Variants in ARHGEF10 observed in about 807,000 individuals in gnomAD.
The protein encoded by ARHGEF10 is Rho guanine nucleotide exchange factor (GEF) 10.
In ARHGEF10, 140 loss-of-function variants were observed where a neutral mutation model predicts 147.4. That is an observed-to-expected ratio of 0.95 (90% CI 0.83 to 1.09). ARHGEF10 has a LOEUF of 1.09. Among genes scored for constraint, ARHGEF10 ranks in the 50% least tolerant of loss-of-function variants. The pLI, the probability that ARHGEF10 is intolerant of heterozygous loss-of-function variation, is 0.00. For synonymous variants in ARHGEF10, 902 were observed against 695.8 expected, an observed-to-expected ratio of 1.30 and a Z score of -4.67; for missense variants, 2,222 against 1,752.7, an observed-to-expected ratio of 1.27 and a Z score of -4.78.
chr8:1,835,243 C>G (rs1211392176), intron 1 of ARHGEF10, among the ~76,000 whole-genome samples: 4 of 152,220 alleles, frequency 2.6e-5, no homozygotes, highest in African/African-American at 9.6e-5. Flanking sequence ...GAGTGCCGGA[C>G]AGGGCTGAGC....
At position 1,933,980 on chromosome 8, in the gene ARHGEF10, G is replaced by T. The variant is rs781714585; in HGVS notation, c.3222+38G>T. 8 of 1,613,888 alleles carry T rather than the reference G, an allele frequency of 5.0e-6. No individual in the cohort carries two copies. The South Asian group carries it at 7.7e-5, about 16-fold the overall frequency. On this transcript the variant is annotated intron_variant, in intron 26 of 28. Coordinates refer to ENST00000349830, the MANE Select transcript of ARHGEF10 (RefSeq NM_014629.4). ...GGTGGCTACACGGTGTGGAAAAAAT[G>T]CATTTCAGAAACAGCTCAGCTGACT... is the stretch of plus-strand genomic sequence containing the variant.
chr8:1,946,682 A>G (rs776081426), intron 27 of ARHGEF10, among the ~76,000 whole-genome samples: 3 of 152,220 alleles, frequency 2.0e-5, no homozygotes, highest in Non-Finnish European at 4.4e-5. Context: ...CTGGGGAGAC[A>G]CAAACATTCA....
intron 9 of ARHGEF10, 85 bp from the exon 10 acceptor site, chr8:1,882,550 G>T (rs1243771510): frequency 3.6e-6 from 4 of 1,102,504 alleles, no homozygotes; most frequent in Non-Finnish European, 5.4e-6. Context: ...CAGACTACTT[G>T]ACAGTATTCT....
rs111401053 is a variant in ARHGEF10, at chr8:1,880,712, C to T, written c.960+548C>T. On this transcript the variant is annotated intron_variant, in intron 9 of 28. Transcript: ENST00000349830. The stretch of plus-strand genomic sequence containing the variant: ...CTTGAGAACTGCCGGACCTGAGTGT[C>T]GTGACAGTCTGTTCTGAGCGATGTC... 4.1e-4 allele frequency among the ~76,000 whole-genome samples: 63 copies of T among 152,258 alleles called. No homozygotes were observed. In the East Asian group the frequency reaches 7.3e-3, roughly 18 times the overall value.
chr8:1,913,517 G>A (rs982779761), intron 18 of ARHGEF10, among the ~76,000 whole-genome samples: 1 of 152,238 alleles, frequency 6.6e-6, no homozygotes, highest in Admixed American at 6.5e-5. Flanking sequence ...AAGCATCTGT[G>A]TTCCTCGCTG....
chr8:1,891,846 A>T (rs1809554029), intron 11 of ARHGEF10, among the ~76,000 whole-genome samples: 1 of 151,984 alleles, frequency 6.6e-6, no homozygotes, highest in African/African-American at 2.4e-5. Flanking sequence ...GAAACCCAGA[A>T]TATTGGTTTT....
At chr8:1,944,500 G>A (rs1485275857) in intron 26 of ARHGEF10, among the ~76,000 whole-genome samples, 3 of 152,372 alleles carry the variant, frequency 2.0e-5, no homozygotes, top group East Asian at 1.9e-4. Flanking sequence ...GCAGGATGGG[G>A]TTTGGTGCCA....
At chr8:1,862,777 T>TC (rs1279477203) in intron 4 of ARHGEF10, among the ~76,000 whole-genome samples, 16 of 30,094 alleles carry the variant, frequency 5.3e-4, no homozygotes, top group Admixed American at 1.4e-3. Flanking sequence ...TTCTTCTTCT[T>TC]TTTTTTTTTT....
At chr8:1,913,016 C>T (rs1399784574) in intron 18 of ARHGEF10, among the ~76,000 whole-genome samples, 2 of 152,146 alleles carry the variant, frequency 1.3e-5, no homozygotes, top group Non-Finnish European at 2.9e-5. Context: ...GTAATGTTCA[C>T]TGTTGCCATT....
At chr8:1,939,422 G>C (rs536099345) in intron 26 of ARHGEF10, among the ~76,000 whole-genome samples, 5 of 152,234 alleles carry the variant, frequency 3.3e-5, no homozygotes, top group Non-Finnish European at 7.3e-5. Context: ...AGGATGGCTG[G>C]GCTGCCAGCG....
chr8:1,945,836 C>T (rs1563325445), intron 27 of ARHGEF10, 181 bp downstream of exon 27: 1 of 972,258 alleles, frequency 1.0e-6, no homozygotes, highest in Non-Finnish European at 1.6e-6. Flanking sequence ...CATGGTCAGC[C>T]CACTTTAGCG....
At chr8:1,864,615 C>CA (rs1806430519) in intron 5 of ARHGEF10, among the ~76,000 whole-genome samples, 179 bp downstream of exon 5, 1 of 152,214 alleles carries the variant, frequency 6.6e-6, no homozygotes. Context: ...AATGTAGGGT[C>CA]AGGACGAGTG....
At chr8:1,826,062 T>G (rs1438004399) in intron 1 of ARHGEF10, 6 of 1,576,368 alleles carry the variant, frequency 3.8e-6, no homozygotes, top group Non-Finnish European at 5.1e-6. Flanking sequence ...ATTTGCTGGC[T>G]TTAGCAGCCA....
chr8:1,883,385 C>T (rs1304442655), intron 10 of ARHGEF10, among the ~76,000 whole-genome samples: 2 of 152,078 alleles, frequency 1.3e-5, no homozygotes, highest in Non-Finnish European at 2.9e-5. Flanking sequence ...CACTGTCATA[C>T]AGGGGTCGCT....
intron 8 of ARHGEF10, among the ~76,000 whole-genome samples, chr8:1,878,833 G>A (rs2129116478): frequency 6.6e-6 from 1 of 152,262 alleles, no homozygotes; most frequent in South Asian, 2.1e-4. Flanking sequence ...GCTGGGCGAA[G>A]GAGCTGGGGA....
chr8:1,874,384 C>A lies in ARHGEF10; in HGVS notation c.680-2187C>A, dbSNP rs769330428. ...GAGAGAGCTGGATTGATTGATTAGACTCTTGCCAACTGCTGTGCGGAATAC... is the reference window on the plus strand; with the variant it reads ...GAGAGAGCTGGATTGATTGATTAGAATCTTGCCAACTGCTGTGCGGAATAC... On this transcript the variant is annotated intron_variant, in intron 7 of 28. Transcript: ENST00000349830. Among the ~76,000 whole-genome samples the A allele has an allele frequency of 3.8e-4, 58 of 152,318 alleles. 1 individual carries two copies. The highest frequency in any genetic ancestry group is 5.4e-4 in the Non-Finnish European group (37 of 68,032).
chr8:1,833,555 T>C (rs966131498), intron 1 of ARHGEF10, among the ~76,000 whole-genome samples: 1 of 152,146 alleles, frequency 6.6e-6, no homozygotes, highest in African/African-American at 2.4e-5. Context: ...TGCCTCTGGC[T>C]CTTCTTTGGC....
intron 25 of ARHGEF10, among the ~76,000 whole-genome samples, chr8:1,932,663 A>G (rs1585590104): frequency 6.6e-6 from 1 of 152,260 alleles, no homozygotes; most frequent in African/African-American, 2.4e-5. Flanking sequence ...TTTTAGCCTA[A>G]TTGCAACATA....
Position 1,849,883 on chromosome 8 carries a change from G to T in ARHGEF10, c.37+6447G>T, listed in dbSNP as rs1237828745. On this transcript the variant is annotated intron_variant, in intron 2 of 28. Coordinates refer to ENST00000349830, the MANE Select transcript of ARHGEF10 (RefSeq NM_014629.4). The stretch of plus-strand genomic sequence containing the variant: ...AGACAGCAAATGCTGAGGAGGGCGT[G>T]GGGCGACCATGTGGACACAGAGGGC... 1.6e-4 allele frequency among the ~76,000 whole-genome samples: 23 copies of T among 146,080 alleles called. No homozygotes were observed. In the East Asian group the frequency reaches 2.3e-3, roughly 14 times the overall value.
Sources: gnomAD v4.1 joint callset for allele counts (sites outside exome capture counted in the v4.1 genomes callset) on GRCh38, gnomAD v4.1.1 for gene constraint, MANE v1.5 for transcripts, NCBI Gene and HGNC (gene_info 2026-07-23, HGNC 2026-07-21) for gene names.